The following CORIN variants were observed in gnomAD, a reference collection of about 807,000 sequenced individuals.
CORIN encodes the protein atrial natriuretic peptide-converting enzyme.
A neutral mutation model predicts 125.3 loss-of-function variants in CORIN; 117 were observed. The observed-to-expected ratio is 0.93, with a 90% CI of 0.80 to 1.09. The LOEUF (loss-of-function observed/expected upper bound fraction) is 1.09, where lower values mean the gene tolerates loss of function less well. Ranked by LOEUF, CORIN falls within the 50% of genes least tolerant of loss-of-function variation. CORIN has a pLI of 0.00. For missense variants in CORIN, 1,253 were observed against 1,306.7 expected (o/e 0.96, Z 0.63); for synonymous variants, 450 against 466.4 (o/e 0.96, Z 0.45).
At chr4:47,656,787 G>C (rs78825423) in intron 12 of CORIN, among the ~76,000 whole-genome samples, 1 of 152,142 alleles carries the variant, frequency 6.6e-6, no homozygotes, top group Non-Finnish European at 1.5e-5. Context: ...AGCTGAAGCA[G>C]TCATAAAAGA....
chr4:47,813,223 T>C (rs1211644436), intron 1 of CORIN, among the ~76,000 whole-genome samples: 2 of 152,218 alleles, frequency 1.3e-5, no homozygotes, highest in East Asian at 1.9e-4. Context: ...CCAATAAATG[T>C]CAAGTATCGC....
intron 2 of CORIN, among the ~76,000 whole-genome samples, chr4:47,800,679 G>C (rs1228857291): frequency 6.6e-6 from 1 of 152,148 alleles, no homozygotes; most frequent in African/African-American, 2.4e-5. Flanking sequence ...CTTAGCCTGA[G>C]AGCAGGCCAC....
intron 21 of CORIN, among the ~76,000 whole-genome samples, chr4:47,599,899 T>C (rs1477979672): frequency 6.6e-6 from 1 of 152,198 alleles, no homozygotes; most frequent in African/African-American, 2.4e-5. Flanking sequence ...TCTTAGAACC[T>C]CATTTATCCT....
At chr4:47,668,198 A>T (rs1306053840) in intron 10 of CORIN, among the ~76,000 whole-genome samples, 1 of 152,258 alleles carries the variant, frequency 6.6e-6, no homozygotes, top group Non-Finnish European at 1.5e-5. Context: ...CTAAGACAAG[A>T]AGTAACATTT....
At position 47,641,985 on chromosome 4, in the gene CORIN, G is replaced by C; in HGVS notation, c.2133C>G (p.His711Gln). 6.2e-7 allele frequency: 1 copy of C among 1,613,636 alleles called. No homozygotes were observed. The highest frequency in any genetic ancestry group is 8.5e-7 in the Non-Finnish European group (1 of 1,179,684). ...FLMVHRAATE[H>Q]HVCADGWQEI... Reference sequence around the variant, plus strand: ...CCTGCCAGCCATCTGCACACACATGGTGTTCTGTGGCAGCTCTGTGAACCA... The same window carrying C: ...CCTGCCAGCCATCTGCACACACATGCTGTTCTGTGGCAGCTCTGTGAACCA... The change falls in exon 16 of 22, where the codon CAC becomes CAG. Residue 711 changes from histidine (H) to glutamine (Q), a missense_variant. Transcript: ENST00000273857.
chr4:47,663,126 G>A (rs890891281), intron 11 of CORIN, among the ~76,000 whole-genome samples: 1 of 151,996 alleles, frequency 6.6e-6, no homozygotes, highest in Non-Finnish European at 1.5e-5. Flanking sequence ...ATTTTTTTCT[G>A]TAAAATGGAA....
intron 9 of CORIN, among the ~76,000 whole-genome samples, chr4:47,676,239 G>T (rs528589935): frequency 6.6e-6 from 1 of 152,232 alleles, no homozygotes; most frequent in African/African-American, 2.4e-5. Flanking sequence ...GCCCCCTTTC[G>T]TTCTCAGCTC....
intron 19 of CORIN, among the ~76,000 whole-genome samples, chr4:47,609,094 T>G (rs1009922693): frequency 2.6e-5 from 4 of 152,186 alleles, no homozygotes; most frequent in African/African-American, 9.7e-5. Flanking sequence ...ATAGCATAGC[T>G]AAGTGGTGAT....
At chr4:47,816,508 A>G (rs1732273997) in intron 1 of CORIN, among the ~76,000 whole-genome samples, 1 of 152,232 alleles carries the variant, frequency 6.6e-6, no homozygotes, top group African/African-American at 2.4e-5. Flanking sequence ...CAAGGAGTTA[A>G]CAGCCTACCT....
rs1724431778 is a variant in CORIN, at chr4:47,665,263, C to A, written c.1358G>T (p.Ser453Ile). The A allele has an allele frequency of 6.3e-7, 1 of 1,598,136 alleles. No individual in the cohort carries two copies. Among genetic ancestry groups the A allele is most frequent in the African/African-American group, 1.3e-5 (1 of 74,286 alleles). ...TTCCAATGTAATTGGTTCACATTGA[C>A]CTAACAAAGAAACATACACACAAAT... ...CDPNNSLNNC[S>I]QCEPITLELC... The change falls in exon 11 of 22, where the codon AGT (serine) becomes ATT (isoleucine). Residue 453 changes from serine (S) to isoleucine (I), a missense_variant and splice_region_variant. By Grantham distance (142) the Ser-to-Ile change is moderately radical. Transcript: ENST00000273857.
intron 10 of CORIN, among the ~76,000 whole-genome samples, chr4:47,671,751 AT>A (rs964189302): frequency 5.5e-4 from 81 of 146,730 alleles, no homozygotes; most frequent in Admixed American, 8.2e-4. Flanking sequence ...TGCCCGGCTA[AT>A]TTTTTTTTTT....
chr4:47,655,951 A>T (rs1452329931), intron 12 of CORIN, among the ~76,000 whole-genome samples: 5 of 152,046 alleles, frequency 3.3e-5, no homozygotes, highest in African/African-American at 1.2e-4. Context: ...TACTCCAAAC[A>T]ATAGAGGAGG....
At chr4:47,837,802 G>C (rs1465054587) in intron 1 of CORIN, 85 bp downstream of exon 1, 4 of 1,195,308 alleles carry the variant, frequency 3.3e-6, no homozygotes, top group Admixed American at 3.4e-5. Flanking sequence ...GAGAGGACGG[G>C]GGCGGGAGGG....
chr4:47,602,680 C>T (rs1447545176), intron 20 of CORIN, among the ~76,000 whole-genome samples: 1 of 152,118 alleles, frequency 6.6e-6, no homozygotes, highest in Admixed American at 6.5e-5. Flanking sequence ...AGTAAGCTCC[C>T]AGAGAGAGAT....
rs1430009688 is a variant in CORIN, at chr4:47,653,579, TCA to T, written c.1815_1816del (p.Cys605Ter). The T allele has an allele frequency of 2.5e-6, 4 of 1,614,004 alleles. No individual in the cohort carries two copies. The highest frequency in any genetic ancestry group is 1.7e-5 in the Admixed American group (1 of 60,006). ...ACAGTTTTCCTCATCACTGTCATCG[TCA>T]CAGTCGGCCTGGCCATCACATCTTC... On this transcript the variant is annotated stop_gained and frameshift_variant, in exon 13 of 22. Transcript: ENST00000273857. LOFTEE classifies it high-confidence loss of function.
intron 5 of CORIN, among the ~76,000 whole-genome samples, chr4:47,699,809 T>C (rs1215711983): frequency 2.0e-5 from 3 of 152,184 alleles, no homozygotes; most frequent in African/African-American, 7.2e-5. Flanking sequence ...ACACATCTGG[T>C]TTATGAGTGG....
chr4:47,721,036 A>G (rs1727321060), intron 5 of CORIN, among the ~76,000 whole-genome samples: 2 of 152,164 alleles, frequency 1.3e-5, no homozygotes, highest in African/African-American at 2.4e-5. Flanking sequence ...GGGGTGGCTT[A>G]AACAAGAAAC....
chr4:47,656,671 G>C (rs1483555055), intron 12 of CORIN, among the ~76,000 whole-genome samples: 1 of 152,122 alleles, frequency 6.6e-6, no homozygotes, highest in Non-Finnish European at 1.5e-5. Context: ...CCCACAGTTA[G>C]TATCAAACTA....
At chr4:47,693,122 G>A in intron 5 of CORIN, 39 bp from the exon 6 acceptor site, 1 of 1,321,378 alleles carries the variant, frequency 7.6e-7, no homozygotes, top group Non-Finnish European at 1.1e-6. Context: ...AGAATAAGAT[G>A]GGTTTTTTTT....
Sources: gnomAD v4.1 joint callset for allele counts (sites outside exome capture counted in the v4.1 genomes callset) on GRCh38, gnomAD v4.1.1 for gene constraint, MANE v1.5 for transcripts, NCBI Gene and HGNC (gene_info 2026-07-23, HGNC 2026-07-21) for gene names.